The following ENPP3 variants were observed in gnomAD, a reference collection of about 807,000 sequenced individuals.
The protein encoded by ENPP3 is ectonucleotide pyrophosphatase/phosphodiesterase family member 3.
ENPP3 carries 104 observed loss-of-function variants against 117.8 expected under a neutral mutation model. That is an observed-to-expected ratio of 0.88 (90% CI 0.75 to 1.04). The LOEUF (loss-of-function observed/expected upper bound fraction) is 1.04, where lower values mean the gene tolerates loss of function less well. Ranked by LOEUF, ENPP3 falls within the 50% of genes least tolerant of loss-of-function variation. The probability of loss-of-function intolerance (pLI) is 0.00; values close to 1 mark genes in which losing one functional copy is unlikely to be tolerated. For missense variants in ENPP3, 1,026 were observed against 1,051.9 expected, an observed-to-expected ratio of 0.98 and a Z score of 0.34; for synonymous variants, 380 against 349.9, an observed-to-expected ratio of 1.09 and a Z score of -0.96.
chr6:131,728,085 C>A (rs188046981), intron 20 of ENPP3, among the ~76,000 whole-genome samples: 120 of 152,250 alleles, frequency 7.9e-4, no homozygotes, highest in South Asian at 7.2e-3. Context: ...AATATTTTAC[C>A]AACAGTTACC....
chr6:131,679,422 T>C (rs1015609314), intron 11 of ENPP3, among the ~76,000 whole-genome samples: 4 of 151,888 alleles, frequency 2.6e-5, no homozygotes, highest in Non-Finnish European at 5.9e-5. Context: ...CTGTTAGCCG[T>C]GTTTGATATG....
chr6:131,724,775 T>C (rs1199622475), intron 19 of ENPP3, among the ~76,000 whole-genome samples: 1 of 152,116 alleles, frequency 6.6e-6, no homozygotes, highest in African/African-American at 2.4e-5. Flanking sequence ...AGCCTGCAGG[T>C]TTTTTATCCA....
chr6:131,642,817 T>A (rs1357154808), intron 2 of ENPP3: 1 of 152,358 alleles, frequency 6.6e-6, no homozygotes, highest in East Asian at 1.9e-4. Flanking sequence ...GTGATACTCC[T>A]GCCTTGGCTT....
chr6:131,724,100 A>G lies in ENPP3; in HGVS notation c.1798+9A>G, dbSNP rs771894724. 6.3e-6 allele frequency: 10 copies of G among 1,594,650 alleles called. No homozygotes were observed. The East Asian group carries it at 2.2e-4, about 36-fold the overall frequency. On this transcript the variant is annotated intron_variant, in intron 19 of 24. Transcript: ENST00000357639. ...TCTCACCCAAGAAGAAAGTAAGTCA[A>G]TAGAAAACATGTTAAGTCTTTGATA...
chr6:131,736,489 C>A (rs1780400104), intron 21 of ENPP3, among the ~76,000 whole-genome samples: 1 of 152,052 alleles, frequency 6.6e-6, no homozygotes, highest in Non-Finnish European at 1.5e-5. Flanking sequence ...TATTCACTAT[C>A]ACGTGAACGG....
At chr6:131,689,349 T>C (rs890328345) in intron 14 of ENPP3, among the ~76,000 whole-genome samples, 8 of 152,162 alleles carry the variant, frequency 5.3e-5, no homozygotes, top group Non-Finnish European at 1.2e-4. Flanking sequence ...TAGGGGCTAA[T>C]GCAGCTGGTG....
chr6:131,687,472 G>A (rs1398077339), intron 14 of ENPP3, among the ~76,000 whole-genome samples: 1 of 152,110 alleles, frequency 6.6e-6, no homozygotes, highest in East Asian at 1.9e-4. Flanking sequence ...TTTTGGCTAA[G>A]TCCCCAAAAG....
chr6:131,645,943 T>C (rs1162061945), intron 2 of ENPP3, among the ~76,000 whole-genome samples: 1 of 152,192 alleles, frequency 6.6e-6, no homozygotes, highest in Non-Finnish European at 1.5e-5. Context: ...AATTTTATAA[T>C]ATGATTTCTT....
rs1213497724 is a variant in ENPP3, at chr6:131,694,651, G to A, written c.1412+1027G>A. Among the ~76,000 whole-genome samples the A allele has an allele frequency of 3.3e-5, 5 of 151,810 alleles. 1 individual carries two copies. Among genetic ancestry groups the A allele is most frequent in the East Asian group, 1.9e-4 (1 of 5,172 alleles). ...GGAGTTCGAGACCAGCCTGGCCAAC[G>A]TGAAGAAAAATACAAAAAATTAATA... is the stretch of plus-strand genomic sequence containing the variant. On this transcript the variant is annotated intron_variant, in intron 15 of 24. Coordinates refer to ENST00000357639, the MANE Select transcript of ENPP3 (RefSeq NM_005021.5).
Position 131,674,183 on chromosome 6 carries a change from G to T in ENPP3, c.664G>T (p.Gly222Cys). 6.4e-7 allele frequency: 1 copy of T among 1,553,574 alleles called. No homozygotes were observed. The highest frequency in any genetic ancestry group is 2.2e-5 in the East Asian group (1 of 44,446). ...TTAGGGCTTGTATCCAGAGTCACATGGCATCATTGACAATAATATGTATGA... is the reference window on the plus strand; with the variant it reads ...TTAGGGCTTGTATCCAGAGTCACATTGCATCATTGACAATAATATGTATGA... ...IVTGLYPESH[G>C]IIDNNMYDVN... The change falls in exon 8 of 25, where the codon GGC (glycine) becomes TGC (cysteine). Residue 222 changes from glycine (G) to cysteine (C), a missense_variant. Gly to Cys is a radical substitution (Grantham distance 159). Transcript: ENST00000357639.
intron 24 of ENPP3, among the ~76,000 whole-genome samples, chr6:131,746,413 A>G (rs540425135): frequency 6.6e-6 from 1 of 152,298 alleles, no homozygotes; most frequent in African/African-American, 2.4e-5. Flanking sequence ...TCAGTACTAC[A>G]TATTGTATAG....
chr6:131,693,564 C>T lies in ENPP3; in HGVS notation c.1352C>T (p.Ala451Val), dbSNP rs762082474. Reference sequence around the variant, plus strand: ...GATTTGCCAAAGCGACTGCACTATGCCAAGAACGTCAGAATCGACAAAGTT... The same window carrying T: ...GATTTGCCAAAGCGACTGCACTATGTCAAGAACGTCAGAATCGACAAAGTT... ...TPDLPKRLHY[A>V]KNVRIDKVHL... is the part of the protein sequence containing the mutation. The change falls in exon 15 of 25, where the codon GCC becomes GTC. Residue 451 changes from alanine to valine, a missense_variant. Coordinates refer to ENST00000357639, the MANE Select transcript of ENPP3 (RefSeq NM_005021.5). The T allele has an allele frequency of 3.0e-5, 49 of 1,613,634 alleles. No individual in the cohort carries two copies. In the Middle Eastern group the frequency reaches 4.9e-4, roughly 16 times the overall value.
intron 11 of ENPP3, among the ~76,000 whole-genome samples, 156 bp downstream of exon 11, chr6:131,678,096 A>G (rs1299295491): frequency 6.6e-6 from 1 of 152,248 alleles, no homozygotes; most frequent in Non-Finnish European, 1.5e-5. Context: ...AAGGGATGCC[A>G]TGGTTCAACT....
intron 2 of ENPP3, among the ~76,000 whole-genome samples, chr6:131,645,272 G>A (rs886818873): frequency 1.3e-5 from 2 of 152,216 alleles, no homozygotes; most frequent in African/African-American, 4.8e-5. Context: ...ACTCAGGTAT[G>A]TAGTCCCAGG....
chr6:131,736,112 C>G (rs1018702139), intron 21 of ENPP3, among the ~76,000 whole-genome samples: 1 of 152,180 alleles, frequency 6.6e-6, no homozygotes, highest in African/African-American at 2.4e-5. Flanking sequence ...GCACTTTGCC[C>G]GAGGAGTGCA....
At chr6:131,730,190 TATC>T (rs1410114686) in intron 20 of ENPP3, among the ~76,000 whole-genome samples, 1 of 152,156 alleles carries the variant, frequency 6.6e-6, no homozygotes, top group African/African-American at 2.4e-5. Context: ...TGTTAGGAAA[TATC>T]AAACTCACAA....
At chr6:131,652,086 A>T (rs961516019) in intron 3 of ENPP3, among the ~76,000 whole-genome samples, 5 of 152,180 alleles carry the variant, frequency 3.3e-5, no homozygotes, top group Admixed American at 2.6e-4. Flanking sequence ...GTCACTTTCC[A>T]CTGAGAAGTA....
At chr6:131,742,422 C>T (rs189494788) in intron 24 of ENPP3, among the ~76,000 whole-genome samples, 163 of 152,138 alleles carry the variant, frequency 1.1e-3, no homozygotes, top group African/African-American at 3.6e-3. Context: ...TATTTGCTAT[C>T]CCTGGTCTGG....
intron 13 of ENPP3, 30 bp from the exon 14 acceptor site, chr6:131,685,846 T>C (rs1779142456): frequency 2.3e-6 from 2 of 875,962 alleles, no homozygotes; most frequent in Non-Finnish European, 3.7e-6. Flanking sequence ...TCAATTGTAA[T>C]GTCATTTATT....
Sources: gnomAD v4.1 joint callset for allele counts (sites outside exome capture counted in the v4.1 genomes callset) on GRCh38, gnomAD v4.1.1 for gene constraint, MANE v1.5 for transcripts, NCBI Gene and HGNC (gene_info 2026-07-23, HGNC 2026-07-21) for gene names.